RASGRP3: variants seen among roughly 807,000 people sequenced by gnomAD.
RASGRP3 encodes RAS guanyl releasing protein 3, also known as ras guanyl-releasing protein 3.
In RASGRP3, 54 loss-of-function variants were observed where a neutral mutation model predicts 82.7. That is an observed-to-expected ratio of 0.65 (90% CI 0.52 to 0.82). RASGRP3 has a LOEUF of 0.82. Among genes scored for constraint, RASGRP3 ranks in the 40% least tolerant of loss-of-function variants. The pLI, the probability that RASGRP3 is intolerant of heterozygous loss-of-function variation, is 0.00. For missense variants in RASGRP3, 861 were observed against 828.9 expected (o/e 1.04, Z -0.48); for synonymous variants, 309 against 300.5 (o/e 1.03, Z -0.29).
chr2:33,507,200 T>C (rs1453858656), intron 1 of RASGRP3, among the ~76,000 whole-genome samples: 2 of 152,100 alleles, frequency 1.3e-5, no homozygotes, highest in Admixed American at 6.6e-5. Context: ...ATTCAGACCA[T>C]CCTGGCCAAC....
chr2:33,450,226 C>G (rs777188165), intron 2 of RASGRP3, among the ~76,000 whole-genome samples: 9 of 151,980 alleles, frequency 5.9e-5, no homozygotes, highest in Non-Finnish European at 1.2e-4. Flanking sequence ...CCTCATATAC[C>G]AATCATTATT....
intron 10 of RASGRP3, chr2:33,533,421 T>C (rs1305065856): frequency 1.3e-5 from 2 of 152,242 alleles, no homozygotes; most frequent in African/African-American, 4.8e-5. Context: ...ATATAACTAA[T>C]AACAAATGCG....
chr2:33,532,455 A>T (rs974594361), intron 10 of RASGRP3: 1 of 152,214 alleles, frequency 6.6e-6, no homozygotes, highest in African/African-American at 2.4e-5. Flanking sequence ...TAAATAAATT[A>T]CATCTGCAAA....
chr2:33,460,655 C>T (rs1009378863), intron 2 of RASGRP3, among the ~76,000 whole-genome samples: 14 of 151,928 alleles, frequency 9.2e-5, no homozygotes, highest in Admixed American at 2.6e-4. Context: ...GCTGGGACTA[C>T]AGGCACAAGC....
At chr2:33,482,905 C>G (rs1668062231) in intron 1 of RASGRP3, 1 of 152,052 alleles carries the variant, frequency 6.6e-6, no homozygotes, top group Admixed American at 6.5e-5. Flanking sequence ...GAAAGGTAGC[C>G]TTCTTTGAAT....
At chr2:33,515,717 G>C (rs560555893) in intron 3 of RASGRP3, among the ~76,000 whole-genome samples, 2 of 152,268 alleles carry the variant, frequency 1.3e-5, no homozygotes, top group East Asian at 3.9e-4. Context: ...TCTGCTACTA[G>C]ATTATACACT....
chr2:33,559,733 G>T (rs907545120), intron 17 of RASGRP3: 2 of 464,454 alleles, frequency 4.3e-6, no homozygotes, highest in Non-Finnish European at 8.6e-6. Flanking sequence ...ATGTCATGGA[G>T]GACAGCCATT....
intron 1 of RASGRP3, among the ~76,000 whole-genome samples, chr2:33,507,714 T>A (rs539675655): frequency 2.6e-5 from 4 of 151,982 alleles, no homozygotes. Context: ...TTATTAGAGA[T>A]GGGGTTTCAC....
chr2:33,508,626 A>G (rs755454993), intron 1 of RASGRP3, among the ~76,000 whole-genome samples: 4 of 152,232 alleles, frequency 2.6e-5, no homozygotes, highest in Non-Finnish European at 5.9e-5. Context: ...GTCATCTGCC[A>G]GAAGGTATGA....
At chr2:33,536,610 C>CTTTGTTTTTTTTT (rs1673637802) in intron 11 of RASGRP3, among the ~76,000 whole-genome samples, 2 of 151,756 alleles carry the variant, frequency 1.3e-5, no homozygotes, top group Non-Finnish European at 2.9e-5. Flanking sequence ...ATAGAAAAGT[C>CTTTGTTTTTTTTT]TTTTTATTTG....
At chr2:33,516,702 TAG>T (rs1671502404) in intron 4 of RASGRP3, 58 bp downstream of exon 4, 1 of 1,180,260 alleles carries the variant, frequency 8.5e-7, no homozygotes, top group African/African-American at 1.5e-5. Flanking sequence ...TGTATTTAGA[TAG>T]AGTGTCTATC....
Position 33,508,404 on chromosome 2 carries a change from C to T in RASGRP3, c.-260-3306C>T, listed in dbSNP as rs1022220499. Among the ~76,000 whole-genome samples the T allele has an allele frequency of 5.3e-5, 8 of 152,106 alleles. No homozygotes were observed. The East Asian group carries it at 5.8e-4, about 11-fold the overall frequency. On this transcript the variant is annotated intron_variant, in intron 1 of 17. Coordinates refer to ENST00000403687, the MANE Select transcript of RASGRP3 (RefSeq NM_001139488.2). Reference sequence around the variant, plus strand: ...GGCAGAAGAGTGAGAAGTTAATTCACGTAACGTGGTCCCTGGGAGGACAAG... The same window carrying T: ...GGCAGAAGAGTGAGAAGTTAATTCATGTAACGTGGTCCCTGGGAGGACAAG...
At chr2:33,539,380 C>T (rs1311984827) in intron 12 of RASGRP3, 170 bp downstream of exon 12, 13 of 564,982 alleles carry the variant, frequency 2.3e-5, no homozygotes, top group Non-Finnish European at 4.2e-5. Context: ...TGGGGAGAGT[C>T]GATCAGAAAG....
chr2:33,473,543 C>T (rs1005023735), upstream of RASGRP3, among the ~76,000 whole-genome samples: 7 of 152,112 alleles, frequency 4.6e-5, no homozygotes, highest in African/African-American at 7.2e-5. Flanking sequence ...GACACAAAGC[C>T]GAGGTAGGAG....
At chr2:33,471,231 A>G (rs996078859) in intron 2 of RASGRP3, among the ~76,000 whole-genome samples, 10 of 152,108 alleles carry the variant, frequency 6.6e-5, no homozygotes, top group African/African-American at 2.4e-4. Flanking sequence ...TCTGGAGTGC[A>G]GTGGTGTGAT....
At chr2:33,541,859 C>G (rs1574466630) in intron 12 of RASGRP3, among the ~76,000 whole-genome samples, 1 of 147,060 alleles carries the variant, frequency 6.8e-6, no homozygotes, top group Non-Finnish European at 1.5e-5. Context: ...CAAGAAAGGC[C>G]TTTTTCACAC....
intron 4 of RASGRP3, among the ~76,000 whole-genome samples, chr2:33,518,960 A>G (rs1247162345): frequency 2.6e-5 from 4 of 152,196 alleles, no homozygotes; most frequent in Non-Finnish European, 5.9e-5. Flanking sequence ...TTAACTTTTT[A>G]ATTTTTTAAG....
chr2:33,506,956 G>A (rs1024864090), intron 1 of RASGRP3, among the ~76,000 whole-genome samples: 6 of 152,154 alleles, frequency 3.9e-5, no homozygotes, highest in Admixed American at 3.9e-4. Context: ...TATGACTTTG[G>A]TGGAGCACAC....
At chr2:33,458,110 G>A (rs965235679) in intron 2 of RASGRP3, 1 of 152,124 alleles carries the variant, frequency 6.6e-6, no homozygotes, top group Admixed American at 6.5e-5. Flanking sequence ...CTGAAAGAAA[G>A]GATACAGACC....
Sources: allele counts gnomAD v4.1 joint callset (sites outside exome capture counted in the v4.1 genomes callset), GRCh38; gene constraint gnomAD v4.1.1; transcripts MANE v1.5; gene names NCBI Gene and HGNC (gene_info 2026-07-23, HGNC 2026-07-21).